The following EBF1 variants were observed in gnomAD, a reference collection of about 807,000 sequenced individuals.
EBF1 encodes transcription factor COE1.
Under a neutral mutation model 68.4 loss-of-function variants are expected in EBF1, and 10 were observed. That is an observed-to-expected ratio of 0.15 (90% CI 0.09 to 0.25). The LOEUF is 0.25. Among genes scored for constraint, EBF1 ranks in the 10% least tolerant of loss-of-function variants. The pLI is 1.00. For synonymous variants in EBF1, 298 were observed against 299.8 expected, an observed-to-expected ratio of 0.99 and a Z score of 0.06; for missense variants, 509 against 794.4, an observed-to-expected ratio of 0.64 and a Z score of 4.32.
chr5:158,852,379 G>A (rs879211106), intron 6 of EBF1, among the ~76,000 whole-genome samples: 5 of 151,880 alleles, frequency 3.3e-5, no homozygotes, highest in Non-Finnish European at 7.4e-5. Flanking sequence ...TTCATGTGTT[G>A]CCTGTCATCC....
intron 6 of EBF1, among the ~76,000 whole-genome samples, chr5:158,884,840 A>G (rs750058915): frequency 6.6e-6 from 1 of 152,228 alleles, no homozygotes; most frequent in Non-Finnish European, 1.5e-5. Context: ...AGTAGGTAGT[A>G]TTATCCATAA....
intron 6 of EBF1, among the ~76,000 whole-genome samples, chr5:158,933,079 GT>G (rs1030711877): frequency 6.6e-6 from 1 of 151,814 alleles, no homozygotes; most frequent in African/African-American, 2.4e-5. Context: ...TTACTCTTTT[GT>G]TTTTTTAATT....
chr5:158,883,852 C>T (rs1252602551), intron 6 of EBF1, among the ~76,000 whole-genome samples: 1 of 152,116 alleles, frequency 6.6e-6, no homozygotes, highest in East Asian at 1.9e-4. Context: ...GCGGTCCTTG[C>T]CCTGGAGGAG....
At chr5:158,841,595 G>A (rs1399427667) in intron 6 of EBF1, among the ~76,000 whole-genome samples, 2 of 152,106 alleles carry the variant, frequency 1.3e-5, no homozygotes, top group Admixed American at 6.5e-5. Flanking sequence ...AGATTATGAA[G>A]AACTATCACC....
At chr5:158,821,653 A>G (rs1784837502) in intron 8 of EBF1, among the ~76,000 whole-genome samples, 1 of 152,132 alleles carries the variant, frequency 6.6e-6, no homozygotes, top group African/African-American at 2.4e-5. Context: ...CCTTTCACCT[A>G]AACACCTCTA....
At chr5:158,966,579 A>G (rs1754186966) in intron 6 of EBF1, among the ~76,000 whole-genome samples, 1 of 152,172 alleles carries the variant, frequency 6.6e-6, no homozygotes, top group Non-Finnish European at 1.5e-5. Context: ...CCCCGACAAA[A>G]AGTACACTCT....
chr5:158,824,562 T>C (rs1785611203), intron 7 of EBF1, among the ~76,000 whole-genome samples: 1 of 152,256 alleles, frequency 6.6e-6, no homozygotes, highest in Non-Finnish European at 1.5e-5. Flanking sequence ...TTAATTGTTC[T>C]TGGTTTTGAG....
chr5:158,746,143 A>C (rs1214512261), intron 10 of EBF1, among the ~76,000 whole-genome samples: 1 of 152,208 alleles, frequency 6.6e-6, no homozygotes, highest in Non-Finnish European at 1.5e-5. Context: ...TGGTTCTCCT[A>C]AGGTACACGC....
At chr5:158,982,846 CT>C (rs1758164942) in intron 6 of EBF1, among the ~76,000 whole-genome samples, 1 of 152,100 alleles carries the variant, frequency 6.6e-6, no homozygotes, top group African/African-American at 2.4e-5. Flanking sequence ...GTATGAAACT[CT>C]TGATTTAACC....
At chr5:158,925,384 T>G (rs1809469757) in intron 6 of EBF1, among the ~76,000 whole-genome samples, 1 of 152,230 alleles carries the variant, frequency 6.6e-6, no homozygotes, top group Admixed American at 6.5e-5. Context: ...CAATAAATAT[T>G]TGTTAAGTAA....
At chr5:158,749,137 G>A (rs756904304) in intron 10 of EBF1, among the ~76,000 whole-genome samples, 5 of 152,130 alleles carry the variant, frequency 3.3e-5, no homozygotes, top group Admixed American at 6.6e-5. Flanking sequence ...ACCTCTTCCC[G>A]AGTATGTGGC....
chr5:158,748,761 G>A (rs1768140938), intron 10 of EBF1, among the ~76,000 whole-genome samples: 1 of 152,196 alleles, frequency 6.6e-6, no homozygotes, highest in Non-Finnish European at 1.5e-5. Flanking sequence ...ACTGCTCCGA[G>A]TCAGTGGCAA....
intron 6 of EBF1, chr5:158,983,861 C>T (rs570417149): frequency 1.4e-5 from 2 of 148,082 alleles, no homozygotes; most frequent in South Asian, 4.3e-4. Context: ...TATGTTAGTA[C>T]TTTATCTGGG....
chr5:158,793,650 T>A (rs1481607710), intron 9 of EBF1, among the ~76,000 whole-genome samples: 4 of 152,132 alleles, frequency 2.6e-5, no homozygotes, highest in Admixed American at 6.5e-5. Context: ...CTTTTTAACC[T>A]CTCTGAAACT....
chr5:158,753,967 T>C (rs1561831318), intron 10 of EBF1, among the ~76,000 whole-genome samples: 1 of 151,760 alleles, frequency 6.6e-6, no homozygotes, highest in Non-Finnish European at 1.5e-5. Context: ...CTGGCTAAAA[T>C]ATAGTATTTG....
At chr5:158,756,722 A>T (rs930556696) in intron 10 of EBF1, among the ~76,000 whole-genome samples, 15 of 151,852 alleles carry the variant, frequency 9.9e-5, no homozygotes, top group Admixed American at 6.6e-5. Flanking sequence ...AGATGAATGA[A>T]TGAAAGAATG....
chr5:158,873,391 C>T (rs910056339), intron 6 of EBF1, among the ~76,000 whole-genome samples: 2 of 152,184 alleles, frequency 1.3e-5, no homozygotes, highest in Admixed American at 6.5e-5. Context: ...CACATTTTGG[C>T]ATTGCCACAG....
At chr5:158,796,559 A>G in intron 8 of EBF1, 84 bp from the exon 9 acceptor site, 2 of 1,458,618 alleles carry the variant, frequency 1.4e-6, no homozygotes, top group Non-Finnish European at 1.8e-6. Context: ...AAAAGGAAAA[A>G]AAAAATCTTT....
At chr5:159,061,790 T>C (rs1775897941) in intron 6 of EBF1, among the ~76,000 whole-genome samples, 1 of 152,038 alleles carries the variant, frequency 6.6e-6, no homozygotes, top group Non-Finnish European at 1.5e-5. Flanking sequence ...CTAACTGGAC[T>C]CTTCAACAAA....
Sources: allele counts gnomAD v4.1 joint callset (sites outside exome capture counted in the v4.1 genomes callset), GRCh38; gene constraint gnomAD v4.1.1; transcripts MANE v1.5; gene names NCBI Gene and HGNC (gene_info 2026-07-23, HGNC 2026-07-21).